Variants in VWA8 observed in about 807,000 individuals in gnomAD.
VWA8 encodes von Willebrand factor A domain containing 8, also known as von Willebrand factor A domain-containing protein 8.
A neutral mutation model predicts 241.5 loss-of-function variants in VWA8; 221 were observed. That is an observed-to-expected ratio of 0.91 (90% CI 0.82 to 1.02). The LOEUF is 1.02. Ranked by LOEUF, VWA8 falls within the 50% of genes least tolerant of loss-of-function variation. The pLI is 0.00. For synonymous variants in VWA8, 852 were observed against 827.1 expected, an observed-to-expected ratio of 1.03 and a Z score of -0.52; for missense variants, 2,322 against 2,328.7, an observed-to-expected ratio of 1.00 and a Z score of 0.06.
chr13:41,571,067 G>A (rs1447933875), intron 43 of VWA8, among the ~76,000 whole-genome samples: 5 of 152,128 alleles, frequency 3.3e-5, no homozygotes, highest in African/African-American at 9.7e-5. Context: ...AATGAGTTGA[G>A]TTTCCAATAA....
At chr13:41,868,039 G>A (rs1162344244) in intron 10 of VWA8, among the ~76,000 whole-genome samples, 1 of 152,154 alleles carries the variant, frequency 6.6e-6, no homozygotes, top group Admixed American at 6.5e-5. Context: ...CTCTGTAGCA[G>A]CTCAAATGTT....
intron 1 of VWA8, among the ~76,000 whole-genome samples, chr13:41,954,914 C>T (rs1878289091): frequency 1.3e-5 from 2 of 152,042 alleles, no homozygotes; most frequent in Admixed American, 6.6e-5. Context: ...TTTTTAAAAT[C>T]CTCCTAGCAG....
intron 20 of VWA8, among the ~76,000 whole-genome samples, chr13:41,762,397 A>G (rs1376074354): frequency 6.6e-6 from 1 of 152,162 alleles, no homozygotes; most frequent in Non-Finnish European, 1.5e-5. Flanking sequence ...ACAGTCACAT[A>G]CAGGTAATTC....
chr13:41,866,023 G>A lies in VWA8; in HGVS notation c.1226C>T (p.Thr409Ile), dbSNP rs368920557. 7.4e-6 allele frequency: 12 copies of A among 1,613,840 alleles called. No homozygotes were observed. In the African/African-American group the frequency reaches 1.3e-4, roughly 18 times the overall value. The change falls in exon 11 of 45, where the codon ACC becomes ATC. Residue 409 changes from threonine (T) to isoleucine (I), a missense_variant. By Grantham distance (89) the Thr-to-Ile change is moderately conservative. Transcript: ENST00000379310. ...KEVTIKVPAG[T>I]RLLSQPCASD... ...CGCACAAGGTTGACTTAATAGCCTG[G>A]TCCCGGCTGGCACCTATAATTAAAG...
intron 37 of VWA8, among the ~76,000 whole-genome samples, chr13:41,646,953 T>A (rs1325584312): frequency 6.6e-6 from 1 of 152,208 alleles, no homozygotes; most frequent in Non-Finnish European, 1.5e-5. Context: ...TGTAATCTGT[T>A]TGAAAATCTG....
At chr13:41,642,880 G>T (rs1323591250) in intron 37 of VWA8, among the ~76,000 whole-genome samples, 1 of 151,898 alleles carries the variant, frequency 6.6e-6, no homozygotes, top group Non-Finnish European at 1.5e-5. Context: ...AGTGAGCTGA[G>T]ATCACACCAC....
chr13:41,579,161 C>T (rs1593627903), intron 42 of VWA8, among the ~76,000 whole-genome samples: 1 of 152,218 alleles, frequency 6.6e-6, no homozygotes, highest in African/African-American at 2.4e-5. Flanking sequence ...TATGCGGCCA[C>T]ATTGTAAGTA....
intron 21 of VWA8, among the ~76,000 whole-genome samples, chr13:41,747,778 AC>A (rs1314076716): frequency 1.3e-5 from 2 of 152,188 alleles, no homozygotes; most frequent in Non-Finnish European, 2.9e-5. Context: ...TCCCATCAAT[AC>A]CTAATTTATT....
At chr13:41,648,638 G>C (rs982574827) in intron 37 of VWA8, among the ~76,000 whole-genome samples, 1 of 152,142 alleles carries the variant, frequency 6.6e-6, no homozygotes, top group Non-Finnish European at 1.5e-5. Context: ...TGACGGGGCC[G>C]TAAAATAATC....
intron 2 of VWA8, among the ~76,000 whole-genome samples, chr13:41,915,906 G>A (rs1876231214): frequency 6.6e-6 from 1 of 152,062 alleles, no homozygotes; most frequent in African/African-American, 2.4e-5. Flanking sequence ...ATAATTTATT[G>A]CATTCCTATC....
intron 20 of VWA8, among the ~76,000 whole-genome samples, chr13:41,764,582 T>C (rs770034769): frequency 2.6e-5 from 4 of 152,126 alleles, no homozygotes; most frequent in African/African-American, 4.8e-5. Flanking sequence ...TGCACAGTTA[T>C]GTTTAGATCG....
At chr13:41,806,893 A>G (rs1444686106) in intron 17 of VWA8, among the ~76,000 whole-genome samples, 3 of 151,722 alleles carry the variant, frequency 2.0e-5, no homozygotes, top group Non-Finnish European at 2.9e-5. Context: ...AAAAAAAAGG[A>G]AAAGATTAAT....
At position 41,708,317 on chromosome 13, in the gene VWA8, C is replaced by T. The variant is rs561026410; in HGVS notation, c.3117-4906G>A. Among the ~76,000 whole-genome samples the T allele has an allele frequency of 2.0e-5, 3 of 151,696 alleles. No individual in the cohort carries two copies. The East Asian group carries it at 5.8e-4, about 29-fold the overall frequency. ...CAGAGGTTGCAGTGAGCCAAGATCG[C>T]GCCACTGCACTCCAGCCTGGGAAAC... On this transcript the variant is annotated intron_variant, in intron 26 of 44. Transcript: ENST00000379310.
chr13:41,846,045 GTTCTT>G (rs1872276292), intron 12 of VWA8, among the ~76,000 whole-genome samples: 1 of 149,062 alleles, frequency 6.7e-6, no homozygotes, highest in African/African-American at 2.5e-5. Flanking sequence ...AAGCTTTTTA[GTTCTT>G]TTTTTTTTTT....
intron 19 of VWA8, 90 bp from the exon 20 acceptor site, chr13:41,778,146 ATATC>A (rs1310672404): frequency 1.2e-6 from 1 of 822,414 alleles, no homozygotes; most frequent in East Asian, 3.2e-5. Context: ...TAGAATATAA[ATATC>A]TATTATAATA....
At chr13:41,751,868 G>C (rs895787895) in intron 21 of VWA8, among the ~76,000 whole-genome samples, 2 of 152,126 alleles carry the variant, frequency 1.3e-5, no homozygotes, top group Admixed American at 1.3e-4. Flanking sequence ...AAGCGTCAGT[G>C]CTCCTCGGTA....
At chr13:41,799,109 A>G (rs368671127) in intron 17 of VWA8, among the ~76,000 whole-genome samples, 1 of 151,864 alleles carries the variant, frequency 6.6e-6, no homozygotes, top group East Asian at 1.9e-4. Context: ...GATAGTCTCA[A>G]ATTGTTCTAT....
chr13:41,726,999 AAAAAC>A (rs1219841606), intron 24 of VWA8, among the ~76,000 whole-genome samples, 190 bp downstream of exon 24: 1 of 152,170 alleles, frequency 6.6e-6, no homozygotes, highest in African/African-American at 2.4e-5. Context: ...CATCTCGGAA[AAAAAC>A]AAAACAAAAC....
At chr13:41,884,584 A>C (rs1033593987) in intron 8 of VWA8, among the ~76,000 whole-genome samples, 5 of 151,816 alleles carry the variant, frequency 3.3e-5, no homozygotes, top group African/African-American at 1.2e-4. Context: ...TTCAGGAAAA[A>C]AAAAAAGAAA....
Sources: allele counts gnomAD v4.1 joint callset (sites outside exome capture counted in the v4.1 genomes callset), GRCh38; gene constraint gnomAD v4.1.1; transcripts MANE v1.5; gene names NCBI Gene and HGNC (gene_info 2026-07-23, HGNC 2026-07-21).